The following SH3TC1 variants were observed in gnomAD, a reference collection of about 807,000 sequenced individuals.
The protein encoded by SH3TC1 is SH3 domain and tetratricopeptide repeats 1.
Under a neutral mutation model 117.3 loss-of-function variants are expected in SH3TC1, and 135 were observed. The ratio of observed to expected loss-of-function variants is 1.15; its 90% confidence interval spans 1.00 to 1.33. The LOEUF (loss-of-function observed/expected upper bound fraction) is 1.33. Among genes scored for constraint, SH3TC1 ranks in the 40% most tolerant of loss-of-function variants. The pLI, the probability that SH3TC1 is intolerant of heterozygous loss-of-function variation, is 0.00. For missense variants in SH3TC1, 2,092 were observed against 1,794.3 expected (o/e 1.17, Z -3.00); for synonymous variants, 898 against 816.9 (o/e 1.10, Z -1.69).
Position 8,205,461 on chromosome 4 carries a change from T to G in SH3TC1, c.172+95T>G. 2.4e-6 allele frequency: 3 copies of G among 1,256,036 alleles called. No individual in the cohort carries two copies. Among genetic ancestry groups the G allele is most frequent in the South Asian group, 1.2e-5 (1 of 80,498 alleles). The allele number at this position is 1,256,036 out of a possible 1,614,324, so 77.8% of individuals were successfully genotyped here. ...TCCATCCCTCACCACCCTGCCTGCC[T>G]CCAGGCCTCTTGGGGCTGGGGCTGG... On this transcript the variant is annotated intron_variant, in intron 2 of 17. Coordinates refer to ENST00000245105, the MANE Select transcript of SH3TC1 (RefSeq NM_018986.5). The surrounding 1 kb of genome is among the most constrained non-coding windows in gnomAD (Gnocchi z 5.4).
intron 13 of SH3TC1, chr4:8,233,071 T>C: frequency 1.6e-6 from 2 of 1,265,826 alleles, no homozygotes; most frequent in Non-Finnish European, 2.0e-6. Context: ...TCCTGGTGCG[T>C]CTAGAGAAGA....
rs1300518847 is a variant in SH3TC1 at position 8,210,881 on chromosome 4, C to G, written c.247+1059C>G. On this transcript the variant is annotated intron_variant, in intron 3 of 17. Coordinates refer to ENST00000245105, the MANE Select transcript of SH3TC1 (RefSeq NM_018986.5). The surrounding 1 kb of genome is among the most constrained non-coding windows in gnomAD (Gnocchi z 4.1). ...TCCAGGTTGGCCCGGTTGGCCCTTCCCCCATAGGGGGTGAGGGTGTTTGCT... is the reference window on the plus strand; with the variant it reads ...TCCAGGTTGGCCCGGTTGGCCCTTCGCCCATAGGGGGTGAGGGTGTTTGCT... Among the ~76,000 whole-genome samples the G allele has an allele frequency of 6.6e-6, 1 of 151,830 alleles. No homozygotes were observed. The highest frequency in any genetic ancestry group is 2.4e-5 in the African/African-American group (1 of 41,188).
At position 8,231,899 on chromosome 4, in the gene SH3TC1, C is replaced by A. The variant is rs528439230; in HGVS notation, c.2951-77C>A. The A allele has an allele frequency of 2.0e-5, 31 of 1,540,600 alleles. No homozygotes were observed. The Admixed American group carries it at 4.5e-4, about 22-fold the overall frequency. On this transcript the variant is annotated intron_variant, in intron 12 of 17. Transcript: ENST00000245105. Reference sequence around the variant, plus strand: ...CAGAGGTGTGAAAGAGGCAAGCACACCGCAGGGGCCTCTGAGCCCAGCCAG... The same window carrying A: ...CAGAGGTGTGAAAGAGGCAAGCACAACGCAGGGGCCTCTGAGCCCAGCCAG...
Position 8,205,919 on chromosome 4 carries a change from G to A in SH3TC1, c.172+553G>A, listed in dbSNP as rs1415569296. Reference sequence around the variant, plus strand: ...CCTGAAGGGGACGAGGGGAGAGGCAGGGGAGACCAAGGCCTGCACGGCCCC... The same window carrying A: ...CCTGAAGGGGACGAGGGGAGAGGCAAGGGAGACCAAGGCCTGCACGGCCCC... On this transcript the variant is annotated intron_variant, in intron 2 of 17. Coordinates refer to ENST00000245105, the MANE Select transcript of SH3TC1 (RefSeq NM_018986.5). The surrounding 1 kb of genome is among the most constrained non-coding windows in gnomAD (Gnocchi z 5.4). 26 of 516,342 alleles carry A rather than the reference G, an allele frequency of 5.0e-5. No individual in the cohort carries two copies. In the East Asian group the frequency reaches 7.6e-4, roughly 15 times the overall value. The allele number at this position is 516,342 out of a possible 1,614,324, so 32.0% of individuals were successfully genotyped here.
chr4:8,201,139 A>G (rs894189455), intron 1 of SH3TC1, among the ~76,000 whole-genome samples: 8 of 152,122 alleles, frequency 5.3e-5, no homozygotes, highest in African/African-American at 1.4e-4. Context: ...TTTGTTCCGT[A>G]AGAGCCTGGC....
At chr4:8,196,216 C>T (rs112060322), upstream of SH3TC1, among the ~76,000 whole-genome samples, 86 of 152,344 alleles carry the variant, frequency 5.6e-4, no homozygotes, top group African/African-American at 2.0e-3. The surrounding 1 kb of genome is among the most constrained non-coding windows in gnomAD (Gnocchi z 4.6). Context: ...ACAGATCTCA[C>T]GTCCCCACCC....
chr4:8,237,494 G>C lies in SH3TC1; in HGVS notation c.3577G>C (p.Val1193Leu). The change falls in exon 17 of 18, where the codon GTG (valine) becomes CTG (leucine). Residue 1193 changes from valine (V) to leucine (L), a missense_variant. Val to Leu is a conservative substitution (Grantham distance 32). Transcript: ENST00000245105. ...ITLGDRLNER[V>L]AYHRLAALQH... is the part of the protein sequence containing the mutation. ...CCCAGGGGACCGGCTGAACGAGCGC[G>C]TGGCCTACCACCGGCTGGCCGCCCT... 1.3e-6 allele frequency: 2 copies of C among 1,596,124 alleles called. No individual in the cohort carries two copies. Among genetic ancestry groups the C allele is most frequent in the Non-Finnish European group, 1.7e-6 (2 of 1,171,976 alleles).
chr4:8,239,248 GACAC>G (rs57041483), intron 17 of SH3TC1, among the ~76,000 whole-genome samples: 50,695 of 150,262 alleles, frequency 0.34, 10,025 homozygotes, highest in Non-Finnish European at 0.45. Flanking sequence ...CACGCACAGG[GACAC>G]ACACACACAC....
intron 13 of SH3TC1, chr4:8,233,037 G>A: frequency 8.2e-7 from 1 of 1,223,156 alleles, no homozygotes; most frequent in Non-Finnish European, 1.0e-6. Context: ...CCATCGGCCT[G>A]GATAGCATCT....
rs1181438072 is a variant in SH3TC1, at chr4:8,209,762, G to C, written c.187G>C (p.Ala63Pro). ...APVRGDEAPP[A>P]RVAGPAAGTP... The stretch of plus-strand genomic sequence containing the variant: ...CTGTGTTGCAGACGAGGCTCCTCCT[G>C]CCCGCGTGGCTGGGCCTGCTGCTGG... Residue 63 changes from alanine to proline, a missense_variant, in exon 3 of 18, where the codon GCC becomes CCC. Coordinates refer to ENST00000245105, the MANE Select transcript of SH3TC1 (RefSeq NM_018986.5). This position sits in a 1 kb window ranked among gnomAD's most constrained non-coding sequence, Gnocchi z 5.9. 1 of 1,613,692 alleles carries C rather than the reference G, an allele frequency of 6.2e-7. No homozygotes were observed. The highest frequency in any genetic ancestry group is 2.2e-5 in the East Asian group (1 of 44,870).
In SH3TC1 at chr4:8,186,052, C is replaced by A. The variant is rs1211018638; in HGVS notation, c.-57+3842C>A. On this transcript the variant is annotated intron_variant, in intron 1 of 16. Transcript: ENST00000508641. This position sits in a 1 kb window ranked among gnomAD's most constrained non-coding sequence, Gnocchi z 5.2. ...ATTTCCTACATTTTACGGTGATAGGCAGGAGCTGTCCGCGCGGGCCCCTCG... is the reference window on the plus strand; with the variant it reads ...ATTTCCTACATTTTACGGTGATAGGAAGGAGCTGTCCGCGCGGGCCCCTCG... Among the ~76,000 whole-genome samples the A allele has an allele frequency of 6.6e-6, 1 of 152,188 alleles. No homozygotes were observed. Among genetic ancestry groups the A allele is most frequent in the Non-Finnish European group, 1.5e-5 (1 of 68,038 alleles).
chr4:8,222,360 GGTTT>G (rs1720002810), intron 9 of SH3TC1, among the ~76,000 whole-genome samples: 1 of 105,744 alleles, frequency 9.5e-6, no homozygotes. Flanking sequence ...GTCAGGATCT[GGTTT>G]TTTTTTTTTT....
In SH3TC1 at chr4:8,228,160, T is replaced by C. The variant is rs1720733840; in HGVS notation, c.2466T>C (p.Arg822=). The C allele has an allele frequency of 6.2e-7, 1 of 1,612,162 alleles. No individual in the cohort carries two copies. The highest frequency in any genetic ancestry group is 8.5e-7 in the Non-Finnish European group (1 of 1,179,370). The change falls in exon 12 of 18, where the codon CGT becomes CGC. Residue 822 remains arginine (R), a synonymous_variant. Transcript: ENST00000245105. The stretch of plus-strand genomic sequence containing the variant: ...AAGCCAGTGCTATTGCCGGAGTCCG[T>C]GCCATCGTGGACCACCTGGTGGCCC... ...AVEASAIAGV[R]AIVDHLVALA... is the part of the protein sequence containing the mutation.
At position 8,223,107 on chromosome 4, in the gene SH3TC1, C is replaced by T. The variant is rs1470872250; in HGVS notation, c.1243+137C>T. 3 of 1,258,816 alleles carry T rather than the reference C, an allele frequency of 2.4e-6. No homozygotes were observed. The African/African-American group carries it at 4.5e-5, about 19-fold the overall frequency. The allele number at this position is 1,258,816 out of a possible 1,614,324, so 78.0% of individuals were successfully genotyped here. On this transcript the variant is annotated intron_variant, in intron 10 of 17. Coordinates refer to ENST00000245105, the MANE Select transcript of SH3TC1 (RefSeq NM_018986.5). ...GAACAGACAGAGGCTGCCGCTGCCT[C>T]CAGGGCACATAGGGGCTGCAGACAA...
rs747473671 is a variant in SH3TC1 at position 8,212,778 on chromosome 4, C to T, written c.325C>T (p.Gln109Ter). 47 of 1,610,638 alleles carry T rather than the reference C, an allele frequency of 2.9e-5. No individual in the cohort carries two copies. Among genetic ancestry groups the T allele is most frequent in the Non-Finnish European group, 3.8e-5 (45 of 1,179,062 alleles). Residue 109 changes from glutamine (Q) to a stop codon, truncating the protein, a stop_gained, in exon 4 of 18, where the codon CAG (glutamine) becomes TAG (stop). Coordinates refer to ENST00000245105, the MANE Select transcript of SH3TC1 (RefSeq NM_018986.5). LOFTEE classifies it high-confidence loss of function. ...CGGCCTACAGCAGACCCTCCGGGGC[C>T]AGCTCCGCCTGCTGGAGAATGATAG... ...DPGLQQTLRG[Q>*]LRLLENDSRE...
intron 7 of SH3TC1, among the ~76,000 whole-genome samples, chr4:8,217,581 G>A (rs1459261038): frequency 6.6e-6 from 1 of 152,228 alleles, no homozygotes; most frequent in South Asian, 2.1e-4. Flanking sequence ...TGCTGAAGCG[G>A]GGGGCATTAA....
Position 8,237,541 on chromosome 4 carries a change from C to A in SH3TC1, c.3624C>A (p.Gly1208=). Residue 1208 remains glycine (G), a synonymous_variant, in exon 17 of 18, where the codon GGC becomes GGA. Coordinates refer to ENST00000245105, the MANE Select transcript of SH3TC1 (RefSeq NM_018986.5). Reference sequence around the variant, plus strand: ...CCCTGCAACACCGACTGGGCCATGGCGAGCTGGCAGAGCACTTCTACCTCA... The same window carrying A: ...CCCTGCAACACCGACTGGGCCATGGAGAGCTGGCAGAGCACTTCTACCTCA... ...LAALQHRLGH[G]ELAEHFYLKA... is the part of the protein sequence containing the mutation. 3 of 1,609,284 alleles carry A rather than the reference C, an allele frequency of 1.9e-6. No homozygotes were observed. Among genetic ancestry groups the A allele is most frequent in the African/African-American group, 1.3e-5 (1 of 74,834 alleles).
rs931465747 is a variant in SH3TC1 at position 8,192,475 on chromosome 4, T to C, written c.-57+10265T>C. Reference sequence around the variant, plus strand: ...TATTTTATTTTATTTTATTTTATTTTATTTTATTTTATTTTATTTTATTTC... The same window carrying C: ...TATTTTATTTTATTTTATTTTATTTCATTTTATTTTATTTTATTTTATTTC... On this transcript the variant is annotated intron_variant, in intron 1 of 16. Coordinates refer to the SH3TC1 transcript ENST00000508641. This position sits in a 1 kb window ranked among gnomAD's most constrained non-coding sequence, Gnocchi z 4.1. Among the ~76,000 whole-genome samples, 1 of 150,842 alleles carries C rather than the reference T, an allele frequency of 6.6e-6. No homozygotes were observed. Among genetic ancestry groups the C allele is most frequent in the African/African-American group, 2.4e-5 (1 of 41,028 alleles).
In SH3TC1 at chr4:8,203,978, C is replaced by G. The variant is rs369535004; in HGVS notation, c.-28-1189C>G. ...GGTTGTCCTGGCAGCTGGAAGGCCC[C>G]AGCCTCGTGGGCCCATCAGGGCTCT... On this transcript the variant is annotated intron_variant, in intron 1 of 17. Coordinates refer to ENST00000245105, the MANE Select transcript of SH3TC1 (RefSeq NM_018986.5). Among the ~76,000 whole-genome samples the G allele has an allele frequency of 2.4e-4, 36 of 152,330 alleles. No individual in the cohort carries two copies. In the East Asian group the frequency reaches 6.4e-3, roughly 27 times the overall value.
Sources: allele counts gnomAD v4.1 joint callset (sites outside exome capture counted in the v4.1 genomes callset), GRCh38; gene constraint gnomAD v4.1.1; non-coding constraint Gnocchi (gnomAD v3.1); transcripts MANE v1.5; gene names NCBI Gene and HGNC (gene_info 2026-07-23, HGNC 2026-07-21).